The following TNFSF4 variants were observed in gnomAD, a reference collection of about 807,000 sequenced individuals.
TNFSF4 encodes tumor necrosis factor ligand superfamily member 4.
TNFSF4 carries 4 observed loss-of-function variants against 7.3 expected under a neutral mutation model. The observed-to-expected ratio is 0.55, with a 90% CI of 0.27 to 1.25. The LOEUF (loss-of-function observed/expected upper bound fraction) is 1.25. Ranked by LOEUF, TNFSF4 falls within the 50% of genes most tolerant of loss-of-function variation. The pLI, the probability that TNFSF4 is intolerant of heterozygous loss-of-function variation, is 0.12. For missense variants in TNFSF4, 181 were observed against 208.8 expected (o/e 0.87, Z 0.82); for synonymous variants, 76 against 83.7 (o/e 0.91, Z 0.50).
chr1:173,311,541 C>G, the TNFSF4 span, among the ~76,000 whole-genome samples: 4 of 152,144 alleles, frequency 2.6e-5, no homozygotes, highest in African/African-American at 9.6e-5. Flanking sequence ...ATGACCACAG[C>G]CCACTAGACA....
chr1:173,330,212 GAT>G, the TNFSF4 span, among the ~76,000 whole-genome samples: 2 of 151,808 alleles, frequency 1.3e-5, no homozygotes, highest in Non-Finnish European at 2.9e-5. Context: ...CAAAAATAAT[GAT>G]TACCATTCAT....
the TNFSF4 span, among the ~76,000 whole-genome samples, chr1:173,281,122 T>C: frequency 6.6e-6 from 1 of 152,102 alleles, no homozygotes; most frequent in Non-Finnish European, 1.5e-5. Context: ...TTCACACTAG[T>C]ACGTGAGATG....
chr1:173,186,576 A>G lies in TNFSF4; in HGVS notation c.492T>C (p.His164=). The G allele has an allele frequency of 6.2e-7, 1 of 1,614,168 alleles. No individual in the cohort carries two copies. The highest frequency in any genetic ancestry group is 8.5e-7 in the Non-Finnish European group (1 of 1,180,004). The stretch of plus-strand genomic sequence containing the variant: ...TAAGAATCAGTTCTCCGCCATTCAC[A>G]TGGAAGTCATCCAGGGAGGTATTGT... ...TTDNTSLDDF[H]VNGGELILIH... Residue 164 remains histidine, a synonymous_variant, in exon 3 of 3, where the codon CAT becomes CAC. Coordinates refer to ENST00000281834, the MANE Select transcript of TNFSF4 (RefSeq NM_003326.5).
At chr1:173,445,238 T>C in the TNFSF4 span, among the ~76,000 whole-genome samples, 1 of 152,172 alleles carries the variant, frequency 6.6e-6, no homozygotes, top group Non-Finnish European at 1.5e-5. Flanking sequence ...GCAGTCAGAT[T>C]ATGAAGAGAA....
the TNFSF4 span, among the ~76,000 whole-genome samples, chr1:173,247,383 G>A: frequency 6.6e-6 from 1 of 152,174 alleles, no homozygotes; most frequent in Non-Finnish European, 1.5e-5. Flanking sequence ...AGGAGGGAGA[G>A]AAAAGATACA....
At chr1:173,174,754 G>A in the TNFSF4 span, among the ~76,000 whole-genome samples, 1 of 152,134 alleles carries the variant, frequency 6.6e-6, no homozygotes, top group Non-Finnish European at 1.5e-5. Context: ...GGGACACAGA[G>A]CCAAACCATA....
chr1:173,288,330 G>A, the TNFSF4 span, among the ~76,000 whole-genome samples: 3 of 152,076 alleles, frequency 2.0e-5, no homozygotes, highest in Non-Finnish European at 2.9e-5. Flanking sequence ...CAGTTACTTG[G>A]GGGGCTGAAG....
the TNFSF4 span, among the ~76,000 whole-genome samples, chr1:173,257,217 T>G: frequency 6.6e-6 from 1 of 152,266 alleles, no homozygotes; most frequent in East Asian, 1.9e-4. Flanking sequence ...CCATATTGTA[T>G]GATGCGGATT....
rs190784506 is a variant in TNFSF4 at position 173,189,246 on chromosome 1, A to G, written c.154-677T>C. 5.9e-5 allele frequency among the ~76,000 whole-genome samples: 9 copies of G among 152,296 alleles called. No individual in the cohort carries two copies. In the East Asian group the frequency reaches 9.6e-4, roughly 16 times the overall value. ...CTATAGTCATATTGTTAAGAAACCTATTCAGTCATAGAGATTCCCTCATGG... is the reference window on the plus strand; with the variant it reads ...CTATAGTCATATTGTTAAGAAACCTGTTCAGTCATAGAGATTCCCTCATGG... On this transcript the variant is annotated intron_variant, in intron 1 of 2. Coordinates refer to ENST00000281834, the MANE Select transcript of TNFSF4 (RefSeq NM_003326.5).
At chr1:173,364,381 G>A in the TNFSF4 span, among the ~76,000 whole-genome samples, 100,214 of 140,500 alleles carry the variant, frequency 0.71, 34,776 homozygotes, top group East Asian at 0.9. Flanking sequence ...GGGTGTATGT[G>A]TATATATATA....
At chr1:173,433,605 G>T in the TNFSF4 span, among the ~76,000 whole-genome samples, 3 of 152,068 alleles carry the variant, frequency 2.0e-5, no homozygotes, top group African/African-American at 7.2e-5. Context: ...GGGAGGCAGA[G>T]GTGGGAGGAT....
At chr1:173,228,630 C>T in the TNFSF4 span, among the ~76,000 whole-genome samples, 20 of 152,092 alleles carry the variant, frequency 1.3e-4, no homozygotes, top group African/African-American at 3.4e-4. Context: ...CAAATTTCTC[C>T]GAGCTAAAGG....
At chr1:173,369,467 G>A in the TNFSF4 span, among the ~76,000 whole-genome samples, 1 of 152,242 alleles carries the variant, frequency 6.6e-6, no homozygotes, top group East Asian at 1.9e-4. Context: ...AGGAAAACTA[G>A]TGTTTCCGCT....
the TNFSF4 span, among the ~76,000 whole-genome samples, chr1:173,388,812 C>A: frequency 6.6e-6 from 1 of 152,214 alleles, no homozygotes; most frequent in South Asian, 2.1e-4. Context: ...GTGTCAATTT[C>A]TAATACAGTA....
At chr1:173,374,759 A>G in the TNFSF4 span, among the ~76,000 whole-genome samples, 1 of 152,150 alleles carries the variant, frequency 6.6e-6, no homozygotes, top group South Asian at 2.1e-4. Flanking sequence ...AGGACTATAT[A>G]CTGTGGCTCC....
the TNFSF4 span, among the ~76,000 whole-genome samples, chr1:173,402,617 A>G: frequency 6.6e-6 from 1 of 152,184 alleles, no homozygotes; most frequent in South Asian, 2.1e-4. Flanking sequence ...CCAGAGCACT[A>G]TTTCTCATCA....
chr1:173,254,737 A>G, the TNFSF4 span, among the ~76,000 whole-genome samples: 5 of 152,134 alleles, frequency 3.3e-5, no homozygotes, highest in Admixed American at 6.5e-5. Flanking sequence ...AATAATTGCA[A>G]ATTAGAAGCA....
the TNFSF4 span, among the ~76,000 whole-genome samples, chr1:173,438,821 T>G: frequency 3.3e-4 from 50 of 152,356 alleles, no homozygotes; most frequent in African/African-American, 1.1e-3. Flanking sequence ...TAACACAGAC[T>G]GAGTAAAAGT....
chr1:173,215,553 G>A, the TNFSF4 span, among the ~76,000 whole-genome samples: 4 of 152,062 alleles, frequency 2.6e-5, no homozygotes, highest in Admixed American at 1.3e-4. Flanking sequence ...AATAGTCTAC[G>A]TAATACACTA....
Sources: allele counts gnomAD v4.1 joint callset (sites outside exome capture counted in the v4.1 genomes callset), GRCh38; gene constraint gnomAD v4.1.1; transcripts MANE v1.5; gene names NCBI Gene and HGNC (gene_info 2026-07-23, HGNC 2026-07-21).